The following RHOBTB1 variants were observed in gnomAD, a reference collection of about 807,000 sequenced individuals.
RHOBTB1 encodes rho-related BTB domain-containing protein 1.
A neutral mutation model predicts 71.6 loss-of-function variants in RHOBTB1; 40 were observed. The ratio of observed to expected loss-of-function variants is 0.56; its 90% CI spans 0.43 to 0.73. RHOBTB1 has a LOEUF of 0.73. Ranked by LOEUF, RHOBTB1 falls within the 30% of genes least tolerant of loss-of-function variation. RHOBTB1 has a pLI of 0.00. For synonymous variants in RHOBTB1, 319 were observed against 334.9 expected (o/e 0.95, Z 0.52); for missense variants, 797 against 894.0 (o/e 0.89, Z 1.38).
intron 2 of RHOBTB1, among the ~76,000 whole-genome samples, chr10:60,923,557 A>G (rs376190012): frequency 6.6e-6 from 1 of 152,228 alleles, no homozygotes; most frequent in South Asian, 2.1e-4. Context: ...GTCTTTACTC[A>G]TGATTGACCA....
At chr10:60,919,346 T>C (rs968390314) in intron 2 of RHOBTB1, among the ~76,000 whole-genome samples, 1 of 152,042 alleles carries the variant, frequency 6.6e-6, no homozygotes, top group African/African-American at 2.4e-5. Flanking sequence ...AAAAGGAAAA[T>C]GTTAAAAGTT....
intron 2 of RHOBTB1, among the ~76,000 whole-genome samples, chr10:60,961,168 C>G (rs1263066896): frequency 6.6e-6 from 1 of 152,084 alleles, no homozygotes; most frequent in East Asian, 1.9e-4. Flanking sequence ...GTTCAAGAGG[C>G]ACTGTGGCAT....
intron 2 of RHOBTB1, among the ~76,000 whole-genome samples, chr10:60,969,135 TG>T (rs1198167733): frequency 6.6e-6 from 1 of 152,016 alleles, no homozygotes; most frequent in Non-Finnish European, 1.5e-5. Context: ...AAATTGAAGT[TG>T]AGATGGAACA....
Position 60,878,000 on chromosome 10 carries a change from G to C in RHOBTB1, c.1634C>G (p.Thr545Ser). 6.2e-7 allele frequency: 1 copy of C among 1,613,356 alleles called. No homozygotes were observed. Among genetic ancestry groups the C allele is most frequent in the Non-Finnish European group, 8.5e-7 (1 of 1,179,366 alleles). The change falls in exon 8 of 11, where the codon ACC becomes AGC. Residue 545 changes from threonine to serine, a missense_variant. Around this residue, in one of 2 missense-constraint regions of RHOBTB1, gnomAD observed 658 missense variants for 681.5 expected, o/e 0.97. Transcript: ENST00000337910. Reference sequence around the variant, plus strand: ...ATCCAAGTTAGGAGACAACTGCTTGGTATAGAGATAATCCAATACTGCTTG... The same window carrying C: ...ATCCAAGTTAGGAGACAACTGCTTGCTATAGAGATAATCCAATACTGCTTG... ...SMQAVLDYLY[T>S]KQLSPNLDLD... is the part of the protein sequence containing the mutation.
chr10:60,897,366 C>A (rs1286056297), intron 4 of RHOBTB1, among the ~76,000 whole-genome samples: 1 of 152,150 alleles, frequency 6.6e-6, no homozygotes, highest in Non-Finnish European at 1.5e-5. Context: ...AATGAATTTT[C>A]TTCTAAATTC....
chr10:60,936,540 C>A (rs939288262), intron 2 of RHOBTB1, among the ~76,000 whole-genome samples: 1 of 152,166 alleles, frequency 6.6e-6, no homozygotes, highest in Non-Finnish European at 1.5e-5. Flanking sequence ...ATTTAAGAAA[C>A]AAGCAAATAA....
At chr10:60,934,272 CCTT>C (rs923125661) in intron 2 of RHOBTB1, among the ~76,000 whole-genome samples, 2 of 152,184 alleles carry the variant, frequency 1.3e-5, no homozygotes, top group Non-Finnish European at 2.9e-5. Context: ...GCTCCTGAAA[CCTT>C]CTTTTCAGTC....
At position 60,955,550 on chromosome 10, in the gene RHOBTB1, AG is replaced by A. The variant is rs549821023; in HGVS notation, c.-61-13697del. ...TGTCCTGAGCTATCCCAAACCACAG[AG>A]AGTTGCTAGCTATCATTACAAAGCA... On this transcript the variant is annotated intron_variant, in intron 2 of 11. Coordinates refer to the RHOBTB1 transcript ENST00000357917. Among the ~76,000 whole-genome samples the A allele has an allele frequency of 8.1e-4, 124 of 152,300 alleles. 2 individuals carry two copies. The South Asian group carries it at 0.015, about 18-fold the overall frequency.
chr10:60,978,136 C>T (rs1195860929), intron 2 of RHOBTB1, among the ~76,000 whole-genome samples: 1 of 152,126 alleles, frequency 6.6e-6, no homozygotes, highest in Non-Finnish European at 1.5e-5. Context: ...ATTCAACACC[C>T]TCTGCATTAA....
At chr10:60,902,705 C>T (rs1250921776) in intron 4 of RHOBTB1, among the ~76,000 whole-genome samples, 1 of 152,142 alleles carries the variant, frequency 6.6e-6, no homozygotes, top group Non-Finnish European at 1.5e-5. Flanking sequence ...GGCTAAGCAC[C>T]AGTATTTTCC....
At chr10:60,924,277 T>C (rs1327593728) in intron 2 of RHOBTB1, among the ~76,000 whole-genome samples, 2 of 152,074 alleles carry the variant, frequency 1.3e-5, no homozygotes, top group African/African-American at 4.8e-5. Context: ...GAAGACGATT[T>C]TAAAAACATG....
rs143605773 is a variant in RHOBTB1 at position 60,989,963 on chromosome 10, G to A, written c.-162-4018C>T. 3.0e-3 allele frequency among the ~76,000 whole-genome samples: 448 copies of A among 148,346 alleles called. 2 individuals carry two copies. Among genetic ancestry groups the A allele is most frequent in the African/African-American group, 0.011 (432 of 40,352 alleles). Reference sequence around the variant, plus strand: ...TCTTTTCTCTCCAATTCAGACCTCAGAACCTCAGAATGTCCTTTTTTTTTT... The same window carrying A: ...TCTTTTCTCTCCAATTCAGACCTCAAAACCTCAGAATGTCCTTTTTTTTTT... On this transcript the variant is annotated intron_variant, in intron 1 of 11. Coordinates refer to the RHOBTB1 transcript ENST00000357917.
At chr10:60,907,776 C>A (rs2082753304) in intron 4 of RHOBTB1, among the ~76,000 whole-genome samples, 1 of 152,122 alleles carries the variant, frequency 6.6e-6, no homozygotes, top group African/African-American at 2.4e-5. Context: ...TCCAGCTCAC[C>A]AATGTAGGGT....
At chr10:60,974,522 G>T (rs1024170101) in intron 2 of RHOBTB1, among the ~76,000 whole-genome samples, 2 of 152,010 alleles carry the variant, frequency 1.3e-5, no homozygotes, top group Non-Finnish European at 2.9e-5. Flanking sequence ...GATTAGACAA[G>T]GTTTTTCTAC....
chr10:60,987,626 C>T (rs1400593669), intron 1 of RHOBTB1, among the ~76,000 whole-genome samples: 2 of 152,132 alleles, frequency 1.3e-5, no homozygotes, highest in African/African-American at 4.8e-5. Context: ...TTCCAATCTC[C>T]CATCATTTCC....
chr10:60,964,221 A>C (rs1178122843), intron 2 of RHOBTB1, among the ~76,000 whole-genome samples: 3 of 152,152 alleles, frequency 2.0e-5, no homozygotes, highest in Non-Finnish European at 4.4e-5. Context: ...TAAACATGTT[A>C]CTGCCAATTT....
At chr10:60,980,402 C>G (rs1458069351) in intron 2 of RHOBTB1, among the ~76,000 whole-genome samples, 1 of 152,042 alleles carries the variant, frequency 6.6e-6, no homozygotes, top group Non-Finnish European at 1.5e-5. Flanking sequence ...TTGGGAACTT[C>G]AAGCATTGAA....
intron 2 of RHOBTB1, among the ~76,000 whole-genome samples, chr10:60,927,903 A>G (rs1380073783): frequency 2.0e-5 from 3 of 152,182 alleles, no homozygotes; most frequent in African/African-American, 7.2e-5. Flanking sequence ...AATCCACGGA[A>G]TGGGAGAAAA....
At chr10:60,924,345 G>A (rs1311439253) in intron 2 of RHOBTB1, among the ~76,000 whole-genome samples, 2 of 151,988 alleles carry the variant, frequency 1.3e-5, no homozygotes, top group Admixed American at 1.3e-4. Context: ...CGCCAAAAAA[G>A]AGCAGAATTA....
Sources: gnomAD v4.1 joint callset for allele counts (sites outside exome capture counted in the v4.1 genomes callset) on GRCh38, gnomAD v4.1.1 for gene constraint, gnomAD v4.1.1 regional missense constraint, MANE v1.5 for transcripts, NCBI Gene and HGNC (gene_info 2026-07-23, HGNC 2026-07-21) for gene names.